NRXN1: variants seen among roughly 807,000 people sequenced by gnomAD.
The protein encoded by NRXN1 is neurexin-1.
NRXN1 carries 39 observed loss-of-function variants against 150.9 expected under a neutral mutation model. That is an observed-to-expected ratio of 0.26 (90% CI 0.20 to 0.34). The LOEUF (loss-of-function observed/expected upper bound fraction) is 0.34. Ranked by LOEUF, NRXN1 falls within the 10% of genes least tolerant of loss-of-function variation. The pLI is 1.00. For missense variants in NRXN1, 1,815 were observed against 1,949.9 expected (o/e 0.93, Z 1.30); for synonymous variants, 924 against 757.0 (o/e 1.22, Z -3.62).
At chr2:50,852,738 G>A (rs1002125695) in intron 5 of NRXN1, among the ~76,000 whole-genome samples, 6 of 151,918 alleles carry the variant, frequency 3.9e-5, no homozygotes, top group South Asian at 2.1e-4. Flanking sequence ...CCTCTTAATA[G>A]GAATTTAATA....
intron 21 of NRXN1, among the ~76,000 whole-genome samples, chr2:49,982,834 A>G (rs1252202054): frequency 6.6e-6 from 1 of 152,162 alleles, no homozygotes; most frequent in Non-Finnish European, 1.5e-5. Flanking sequence ...ATAAGTGACC[A>G]TAAATGAGAT....
At chr2:49,971,978 T>C (rs915749417) in intron 21 of NRXN1, among the ~76,000 whole-genome samples, 3 of 152,172 alleles carry the variant, frequency 2.0e-5, no homozygotes, top group Non-Finnish European at 2.9e-5. Context: ...CATTAATTAA[T>C]GTATTAATAC....
chr2:50,279,385 C>T (rs1325089568), intron 17 of NRXN1, among the ~76,000 whole-genome samples: 1 of 152,080 alleles, frequency 6.6e-6, no homozygotes, highest in African/African-American at 2.4e-5. Flanking sequence ...TTTCACATAA[C>T]ATGCTAGCAA....
chr2:50,921,370 A>C (rs1686009377), intron 5 of NRXN1, among the ~76,000 whole-genome samples: 1 of 151,786 alleles, frequency 6.6e-6, no homozygotes, highest in Non-Finnish European at 1.5e-5. Flanking sequence ...TCTCTTTCTT[A>C]ATACTGCCTT....
At chr2:50,229,790 G>T (rs2064766641) in intron 18 of NRXN1, among the ~76,000 whole-genome samples, 1 of 151,966 alleles carries the variant, frequency 6.6e-6, no homozygotes, top group Non-Finnish European at 1.5e-5. Flanking sequence ...TGTTTATTTT[G>T]CCTAAAATGT....
chr2:50,477,872 A>G (rs766081183), intron 15 of NRXN1, among the ~76,000 whole-genome samples: 7 of 152,142 alleles, frequency 4.6e-5, no homozygotes, highest in Non-Finnish European at 5.9e-5. Context: ...TCATTTTAAG[A>G]AGATTGGACC....
intron 21 of NRXN1, among the ~76,000 whole-genome samples, chr2:50,046,743 C>T (rs1691863428): frequency 1.3e-5 from 2 of 152,088 alleles, no homozygotes; most frequent in South Asian, 4.2e-4. Context: ...GGCATTTTGG[C>T]TTCTGGAGTC....
intron 5 of NRXN1, among the ~76,000 whole-genome samples, chr2:50,678,502 G>T (rs936756549): frequency 6.6e-6 from 1 of 152,074 alleles, no homozygotes; most frequent in Non-Finnish European, 1.5e-5. Flanking sequence ...GTTTCAACTA[G>T]AATCAACTCT....
At chr2:50,406,085 T>TAA (rs1558675519) in intron 17 of NRXN1, among the ~76,000 whole-genome samples, 5 of 152,148 alleles carry the variant, frequency 3.3e-5, no homozygotes, top group African/African-American at 7.2e-5. Flanking sequence ...TTCATGTTAA[T>TAA]TCTCCTCCTC....
chr2:50,324,777 C>T (rs964172958), intron 17 of NRXN1, among the ~76,000 whole-genome samples: 2 of 152,236 alleles, frequency 1.3e-5, no homozygotes, highest in African/African-American at 2.4e-5. Flanking sequence ...TCCTTAGTCA[C>T]ACTCACCTCC....
chr2:50,222,480 C>T (rs1362318676), intron 18 of NRXN1, among the ~76,000 whole-genome samples: 2 of 151,850 alleles, frequency 1.3e-5, no homozygotes, highest in East Asian at 3.9e-4. Flanking sequence ...GTACAATGTT[C>T]TTAGAGGACA....
intron 17 of NRXN1, among the ~76,000 whole-genome samples, chr2:50,266,757 G>A (rs1274853984): frequency 6.6e-6 from 1 of 151,906 alleles, no homozygotes; most frequent in Non-Finnish European, 1.5e-5. Context: ...CTCTTCCCTG[G>A]CATTAATGAC....
At chr2:50,448,708 C>T (rs545327108) in intron 17 of NRXN1, among the ~76,000 whole-genome samples, 1 of 152,268 alleles carries the variant, frequency 6.6e-6, no homozygotes, top group Admixed American at 6.5e-5. Flanking sequence ...GCATATGCAA[C>T]AATTCACTAA....
At chr2:50,177,275 T>C (rs2060411950) in intron 18 of NRXN1, among the ~76,000 whole-genome samples, 1 of 152,034 alleles carries the variant, frequency 6.6e-6, no homozygotes. Flanking sequence ...CCTTTTGGAG[T>C]TTCCAGTGTC....
intron 18 of NRXN1, among the ~76,000 whole-genome samples, chr2:50,110,263 G>C (rs1333453019): frequency 1.3e-5 from 2 of 151,972 alleles, no homozygotes; most frequent in African/African-American, 4.8e-5. Context: ...GGCTGAGGTG[G>C]GCAGATCACG....
At chr2:50,514,780 G>A (rs1322950638) in intron 12 of NRXN1, among the ~76,000 whole-genome samples, 3 of 152,044 alleles carry the variant, frequency 2.0e-5, no homozygotes, top group Non-Finnish European at 2.9e-5. Context: ...TAATTTAAAC[G>A]TTTCCCATAA....
chr2:49,977,046 G>A (rs1679113522), intron 21 of NRXN1, among the ~76,000 whole-genome samples: 1 of 152,064 alleles, frequency 6.6e-6, no homozygotes. Context: ...ATTTTCACGT[G>A]TTTCCTCCCC....
chr2:50,065,759 A>G (rs1695264760), intron 19 of NRXN1, among the ~76,000 whole-genome samples: 1 of 152,100 alleles, frequency 6.6e-6, no homozygotes, highest in African/African-American at 2.4e-5. Flanking sequence ...CCTCTAACCT[A>G]TAAGAAAAGC....
intron 2 of NRXN1, among the ~76,000 whole-genome samples, chr2:51,001,234 T>TG (rs749646036): frequency 0.031 from 415 of 13,412 alleles, no homozygotes; most frequent in Middle Eastern, 0.12. Context: ...TTCATGGGGT[T>TG]GGGGGGGGGG....
Sources: allele counts gnomAD v4.1 joint callset (sites outside exome capture counted in the v4.1 genomes callset), GRCh38; gene constraint gnomAD v4.1.1; transcripts MANE v1.5; gene names NCBI Gene and HGNC (gene_info 2026-07-23, HGNC 2026-07-21).